Variants in DPP10 observed in about 807,000 individuals in gnomAD.
DPP10 encodes inactive dipeptidyl peptidase 10.
DPP10 carries 33 observed loss-of-function variants against 120.9 expected under a neutral mutation model. The ratio of observed to expected loss-of-function variants is 0.27; its 90% CI spans 0.21 to 0.37. DPP10 has a LOEUF of 0.37. Among genes scored for constraint, DPP10 ranks in the 10% least tolerant of loss-of-function variants. DPP10 has a pLI of 1.00. For missense variants in DPP10, 816 were observed against 942.8 expected (o/e 0.87, Z 1.76); for synonymous variants, 337 against 326.1 (o/e 1.03, Z -0.36).
intron 19 of DPP10, among the ~76,000 whole-genome samples, chr2:115,802,102 A>T (rs1228644171): frequency 1.3e-5 from 2 of 152,108 alleles, no homozygotes; most frequent in Non-Finnish European, 2.9e-5. Flanking sequence ...TTATTGCTCC[A>T]ATTTCGGAGC....
chr2:114,662,841 G>A (rs964582009), intron 1 of DPP10, among the ~76,000 whole-genome samples: 2 of 152,148 alleles, frequency 1.3e-5, no homozygotes, highest in East Asian at 3.9e-4. Flanking sequence ...TAGGTCCAGA[G>A]CACCTGCTGC....
intron 7 of DPP10, among the ~76,000 whole-genome samples, chr2:115,723,620 T>A (rs6748356): frequency 7.2e-6 from 1 of 139,778 alleles, no homozygotes. Context: ...TTGTTGTTTT[T>A]TGTTTTTTTT....
intron 3 of DPP10, among the ~76,000 whole-genome samples, chr2:115,412,723 A>C (rs1574762046): frequency 6.6e-6 from 1 of 152,276 alleles, no homozygotes; most frequent in East Asian, 1.9e-4. Flanking sequence ...TTGTTTACTT[A>C]ATGTGGTTTT....
intron 1 of DPP10, among the ~76,000 whole-genome samples, chr2:115,170,588 G>A (rs991425337): frequency 1.3e-5 from 2 of 152,072 alleles, no homozygotes; most frequent in Admixed American, 6.5e-5. Context: ...AAGACGATAC[G>A]TTTCACCTGT....
At chr2:115,669,013 T>C (rs2089672083) in intron 5 of DPP10, among the ~76,000 whole-genome samples, 1 of 152,120 alleles carries the variant, frequency 6.6e-6, no homozygotes, top group African/African-American at 2.4e-5. Flanking sequence ...CTATTTCTCC[T>C]GAGGGTAGAA....
chr2:115,214,167 C>T (rs552034481), intron 1 of DPP10, among the ~76,000 whole-genome samples: 2 of 152,276 alleles, frequency 1.3e-5, no homozygotes, highest in Non-Finnish European at 1.5e-5. Flanking sequence ...AAATTGAGAA[C>T]TGAGAGCAGT....
chr2:115,697,539 C>A (rs1007395618), intron 7 of DPP10, among the ~76,000 whole-genome samples: 4 of 150,902 alleles, frequency 2.7e-5, no homozygotes, highest in African/African-American at 7.3e-5. Context: ...TAATAACAGA[C>A]CATCAAAATA....
chr2:115,387,976 A>G (rs992936326), intron 3 of DPP10, among the ~76,000 whole-genome samples: 8 of 152,236 alleles, frequency 5.3e-5, no homozygotes, highest in Non-Finnish European at 1.5e-5. Flanking sequence ...CTGGTGACCA[A>G]GTGACATTGC....
chr2:115,103,902 A>AT (rs1432067122), intron 1 of DPP10, among the ~76,000 whole-genome samples: 1 of 151,974 alleles, frequency 6.6e-6, no homozygotes, highest in Non-Finnish European at 1.5e-5. Context: ...TGGATTTCAT[A>AT]TTTTTTCAGA....
intron 1 of DPP10, among the ~76,000 whole-genome samples, chr2:114,605,514 T>G (rs563553347): frequency 6.6e-6 from 1 of 152,274 alleles, no homozygotes; most frequent in East Asian, 1.9e-4. Context: ...ATATAGTATG[T>G]AATACATATA....
At chr2:114,871,911 G>A (rs913543453) in intron 1 of DPP10, among the ~76,000 whole-genome samples, 7 of 152,126 alleles carry the variant, frequency 4.6e-5, no homozygotes, top group Non-Finnish European at 1.0e-4. Context: ...ATAGGAGTGT[G>A]GACCCTATTA....
At chr2:115,696,064 C>G (rs1161086217) in intron 7 of DPP10, among the ~76,000 whole-genome samples, 2 of 151,206 alleles carry the variant, frequency 1.3e-5, no homozygotes, top group African/African-American at 2.4e-5. Flanking sequence ...GTATTAGGAA[C>G]ATAAAAAATA....
intron 1 of DPP10, chr2:115,064,463 G>T (rs1002567427): frequency 4.1e-6 from 1 of 244,102 alleles, no homozygotes; most frequent in Non-Finnish European, 8.5e-6. Flanking sequence ...GCTCAGAACC[G>T]TGTGCCCAAA....
chr2:115,596,795 G>A (rs2083016417), intron 5 of DPP10, among the ~76,000 whole-genome samples: 1 of 152,126 alleles, frequency 6.6e-6, no homozygotes, highest in African/African-American at 2.4e-5. Context: ...GAGATGACTT[G>A]TAAATTTTAA....
At chr2:115,807,657 C>T (rs1242030876) in intron 19 of DPP10, among the ~76,000 whole-genome samples, 1 of 151,684 alleles carries the variant, frequency 6.6e-6, no homozygotes, top group Non-Finnish European at 1.5e-5. Flanking sequence ...GATAATAGTT[C>T]ATCATGACAT....
chr2:115,204,306 A>G (rs940810468), intron 1 of DPP10, among the ~76,000 whole-genome samples: 1 of 152,198 alleles, frequency 6.6e-6, no homozygotes, highest in Non-Finnish European at 1.5e-5. Context: ...TATTCTCTAA[A>G]TATGCACAAA....
intron 1 of DPP10, among the ~76,000 whole-genome samples, chr2:114,997,091 G>A (rs1701136450): frequency 6.6e-6 from 1 of 151,644 alleles, no homozygotes; most frequent in African/African-American, 2.4e-5. Context: ...AAAAGTGATG[G>A]GACATTAATT....
intron 5 of DPP10, among the ~76,000 whole-genome samples, chr2:115,651,783 A>C (rs977865117): frequency 1.3e-4 from 20 of 152,084 alleles, no homozygotes; most frequent in Non-Finnish European, 1.8e-4. Context: ...GAATAAGCAG[A>C]TAGTTTCCAT....
intron 1 of DPP10, among the ~76,000 whole-genome samples, chr2:114,975,114 A>G (rs893260458): frequency 6.6e-6 from 1 of 151,078 alleles, no homozygotes; most frequent in Admixed American, 6.6e-5. Context: ...ATCTCAGCTC[A>G]CTGCAGCCTC....
Sources: gnomAD v4.1 joint callset for allele counts (sites outside exome capture counted in the v4.1 genomes callset) on GRCh38, gnomAD v4.1.1 for gene constraint, MANE v1.5 for transcripts, NCBI Gene and HGNC (gene_info 2026-07-23, HGNC 2026-07-21) for gene names.